The following CFAP61 variants were observed in gnomAD, a reference collection of about 807,000 sequenced individuals.
CFAP61 encodes the protein cilia and flagella associated protein 61.
A neutral mutation model predicts 135.6 loss-of-function variants in CFAP61; 107 were observed. The ratio of observed to expected loss-of-function variants is 0.79; its 90% confidence interval spans 0.67 to 0.93. The LOEUF (loss-of-function observed/expected upper bound fraction) is 0.93. Among genes scored for constraint, CFAP61 ranks in the 40% least tolerant of loss-of-function variants. The pLI is 0.00. For missense variants in CFAP61, 1,507 were observed against 1,556.2 expected, an observed-to-expected ratio of 0.97 and a Z score of 0.53; for synonymous variants, 575 against 578.5, an observed-to-expected ratio of 0.99 and a Z score of 0.09.
intron 25 of CFAP61, among the ~76,000 whole-genome samples, chr20:20,301,095 TG>T (rs2056060706): frequency 6.6e-6 from 1 of 152,186 alleles, no homozygotes; most frequent in Admixed American, 6.5e-5. Flanking sequence ...CGGTATTGTA[TG>T]ATAATGTCCG....
intron 8 of CFAP61, among the ~76,000 whole-genome samples, chr20:20,139,551 C>T (rs1040799025): frequency 3.3e-5 from 5 of 152,156 alleles, no homozygotes; most frequent in Admixed American, 2.6e-4. Flanking sequence ...TCAGCTTTCC[C>T]CAGGATAGCA....
chr20:20,281,390 T>C (rs1368985992), intron 22 of CFAP61, among the ~76,000 whole-genome samples: 1 of 152,218 alleles, frequency 6.6e-6, no homozygotes, highest in Non-Finnish European at 1.5e-5. Context: ...GATTTTTCTT[T>C]GGTGCTTTTT....
At chr20:20,257,859 G>A (rs6046770) in intron 20 of CFAP61, among the ~76,000 whole-genome samples, 2 of 152,180 alleles carry the variant, frequency 1.3e-5, no homozygotes, top group East Asian at 3.8e-4. Flanking sequence ...ATTGTCTTAA[G>A]GGGAGAAACC....
intron 20 of CFAP61, among the ~76,000 whole-genome samples, chr20:20,260,913 T>G (rs1470478655): frequency 2.0e-5 from 3 of 152,198 alleles, no homozygotes; most frequent in African/African-American, 7.2e-5. Flanking sequence ...AGCACAGTAT[T>G]CAGTATTGTG....
At chr20:20,217,876 G>A (rs1217522117) in intron 17 of CFAP61, among the ~76,000 whole-genome samples, 1 of 152,124 alleles carries the variant, frequency 6.6e-6, no homozygotes, top group Admixed American at 6.5e-5. Context: ...TCCTTTCAAA[G>A]GTTGCTCTCA....
At chr20:20,185,531 C>G (rs2055433574) in intron 13 of CFAP61, among the ~76,000 whole-genome samples, 1 of 152,208 alleles carries the variant, frequency 6.6e-6, no homozygotes, top group African/African-American at 2.4e-5. Flanking sequence ...GCCTGAACCA[C>G]TGGAAGGATG....
intron 1 of CFAP61, among the ~76,000 whole-genome samples, chr20:20,055,728 A>G (rs982823464): frequency 9.2e-5 from 14 of 152,150 alleles, no homozygotes; most frequent in African/African-American, 1.7e-4. Flanking sequence ...TTTGCTTTCA[A>G]TTTAAAACCA....
intron 24 of CFAP61, among the ~76,000 whole-genome samples, chr20:20,297,417 C>A (rs1275312777): frequency 6.6e-6 from 1 of 152,142 alleles, no homozygotes; most frequent in African/African-American, 2.4e-5. Context: ...AGTCACCCCC[C>A]ACAAAACTCA....
intron 8 of CFAP61, among the ~76,000 whole-genome samples, chr20:20,111,687 A>G (rs911890600): frequency 2.6e-5 from 4 of 152,224 alleles, no homozygotes; most frequent in African/African-American, 9.6e-5. Context: ...TGGAGGGATC[A>G]GGCAGGGAGA....
At chr20:20,264,439 A>C (rs1284195575) in intron 21 of CFAP61, among the ~76,000 whole-genome samples, 2 of 152,200 alleles carry the variant, frequency 1.3e-5, no homozygotes, top group Non-Finnish European at 2.9e-5. Context: ...CAGATTTTTT[A>C]AATGTCATAA....
intron 20 of CFAP61, among the ~76,000 whole-genome samples, chr20:20,262,613 C>T (rs1421531709): frequency 6.6e-6 from 1 of 152,188 alleles, no homozygotes; most frequent in Non-Finnish European, 1.5e-5. Flanking sequence ...CTAGCTGAGG[C>T]CCCAGACATG....
chr20:20,117,630 A>G (rs915147682), intron 8 of CFAP61, among the ~76,000 whole-genome samples: 6 of 152,160 alleles, frequency 3.9e-5, no homozygotes, highest in African/African-American at 1.2e-4. Flanking sequence ...GAAGAATGTC[A>G]TTAGTATTTT....
At chr20:20,196,533 A>T (rs771237259) in intron 15 of CFAP61, 37 bp from the exon 16 acceptor site, 2 of 1,467,156 alleles carry the variant, frequency 1.4e-6, no homozygotes, top group South Asian at 2.3e-5. Flanking sequence ...TTTGTTTAAA[A>T]TGCTTGTAGA....
intron 13 of CFAP61, among the ~76,000 whole-genome samples, chr20:20,173,419 C>T (rs1438519491): frequency 6.6e-6 from 1 of 152,228 alleles, no homozygotes; most frequent in Non-Finnish European, 1.5e-5. Flanking sequence ...GTTCCCGCTG[C>T]TACACACCCT....
At chr20:20,139,433 A>G (rs761468) in intron 8 of CFAP61, among the ~76,000 whole-genome samples, 137,275 of 152,258 alleles carry the variant, frequency 0.9, 62,694 homozygotes, top group Middle Eastern at 0.99. Flanking sequence ...AGAGTAAACC[A>G]ATAGTTCATG....
chr20:20,079,587 G>A lies in CFAP61; in HGVS notation c.566+3972G>A, dbSNP rs143516777. ...ATCCCGTTTTTCCTATCCACGTGGA[G>A]CATTTTATTTGCATTCTGAGAGCGG... is the stretch of plus-strand genomic sequence containing the variant. On this transcript the variant is annotated intron_variant, in intron 6 of 26. Coordinates refer to ENST00000245957, the MANE Select transcript of CFAP61 (RefSeq NM_015585.4). Among the ~76,000 whole-genome samples the A allele has an allele frequency of 4.8e-4, 73 of 152,244 alleles. No individual in the cohort carries two copies. In the East Asian group the frequency reaches 0.013, roughly 27 times the overall value.
At chr20:20,253,259 T>A (rs1406454167) in intron 20 of CFAP61, 1 of 151,924 alleles carries the variant, frequency 6.6e-6, no homozygotes, top group Non-Finnish European at 1.5e-5. Context: ...TTTCTTTCCT[T>A]CCTTCCTTCC....
intron 19 of CFAP61, among the ~76,000 whole-genome samples, chr20:20,249,413 C>G (rs1295423899): frequency 6.6e-6 from 1 of 152,046 alleles, no homozygotes; most frequent in Admixed American, 6.6e-5. Context: ...GTAGCTTGCA[C>G]CTATGGTCCC....
At chr20:20,121,896 A>G (rs186357831) in intron 8 of CFAP61, among the ~76,000 whole-genome samples, 3 of 148,422 alleles carry the variant, frequency 2.0e-5, no homozygotes, top group Admixed American at 2.0e-4. Context: ...TTTATGGCTA[A>G]GTGGTTTTCT....
Sources: allele counts gnomAD v4.1 joint callset (sites outside exome capture counted in the v4.1 genomes callset), GRCh38; gene constraint gnomAD v4.1.1; transcripts MANE v1.5; gene names NCBI Gene and HGNC (gene_info 2026-07-23, HGNC 2026-07-21).